The following SYDE1 variants were observed in gnomAD, a reference collection of about 807,000 sequenced individuals.
The protein encoded by SYDE1 is rho GTPase-activating protein SYDE1.
SYDE1 carries 34 observed loss-of-function variants against 63.3 expected under a neutral mutation model. The ratio of observed to expected loss-of-function variants is 0.54; its 90% CI spans 0.41 to 0.71. SYDE1 has a LOEUF of 0.71. Among genes scored for constraint, SYDE1 ranks in the 30% least tolerant of loss-of-function variants. SYDE1 has a pLI of 0.00. For missense variants in SYDE1, 925 were observed against 1,042.5 expected (o/e 0.89, Z 1.55); for synonymous variants, 467 against 473.4 (o/e 0.99, Z 0.18).
chr19:15,113,458 C>A, intron 7 of SYDE1, 102 bp from the exon 8 acceptor site: 1 of 1,388,890 alleles, frequency 7.2e-7, no homozygotes, highest in South Asian at 1.4e-5. Context: ...CTGAAAGGGT[C>A]GAAGGCCGCT....
At position 15,108,951 on chromosome 19, in the gene SYDE1, C is replaced by T; in HGVS notation, c.89-105C>T. On this transcript the variant is annotated intron_variant, in intron 1 of 7. Transcript: ENST00000342784. This position sits in a 1 kb window ranked among gnomAD's most constrained non-coding sequence, Gnocchi z 4.3. ...CCAAGGAACCATGACTTATCAGGGG[C>T]CGGCCAGGGCCGTACACAGCATCCC... 7.1e-7 allele frequency: 1 copy of T among 1,405,998 alleles called. No individual in the cohort carries two copies. Among genetic ancestry groups the T allele is most frequent in the Non-Finnish European group, 9.2e-7 (1 of 1,083,214 alleles). 87.1% of individuals were successfully genotyped at this position (1,405,998 alleles called of 1,614,324 possible).
In SYDE1 at chr19:15,111,618, C is replaced by T. The variant is rs773462650; in HGVS notation, c.1418-14C>T. ...CCAGTGGTGCCCTGACCAGAGGGGACCCTGTGTTCACAGGCATCCTCAAGG... is the reference window on the plus strand; with the variant it reads ...CCAGTGGTGCCCTGACCAGAGGGGATCCTGTGTTCACAGGCATCCTCAAGG... On this transcript the variant is annotated splice_polypyrimidine_tract_variant and intron_variant, in intron 5 of 7. Transcript: ENST00000342784. This position sits in a 1 kb window ranked among gnomAD's most constrained non-coding sequence, Gnocchi z 5.5. The T allele has an allele frequency of 3.7e-6, 6 of 1,613,478 alleles. No individual in the cohort carries two copies. The highest frequency in any genetic ancestry group is 5.1e-6 in the Non-Finnish European group (6 of 1,179,798).
Position 15,110,781 on chromosome 19 carries a change from C to T in SYDE1, c.1290+46C>T, listed in dbSNP as rs938854906. On this transcript the variant is annotated intron_variant, in intron 4 of 7. Transcript: ENST00000342784. This position sits in a 1 kb window ranked among gnomAD's most constrained non-coding sequence, Gnocchi z 6.9. The stretch of plus-strand genomic sequence containing the variant: ...AACCCTCTGGCCCCCAGACCTCAGA[C>T]CACTCTTCAGGACACCCTATGTACA... 5.5e-6 allele frequency: 8 copies of T among 1,459,662 alleles called. No homozygotes were observed. Among genetic ancestry groups the T allele is most frequent in the Admixed American group, 4.1e-5 (2 of 49,252 alleles). The allele number at this position is 1,459,662 out of a possible 1,614,324, so 90.4% of individuals were successfully genotyped here.
At position 15,111,734 on chromosome 19, in the gene SYDE1, T is replaced by C; in HGVS notation, c.1520T>C (p.Val507Ala). ...EAMARDPPNR[V>A]PPTTEGTRGL... ...ATGGCCCGGGACCCCCCAAACAGAG[T>C]TCCCCCCACCACTGAGGGCACCCGA... Residue 507 changes from valine to alanine, a missense_variant, in exon 6 of 8, where the codon GTT becomes GCT. By Grantham distance (64) the Val-to-Ala change is moderately conservative (BLOSUM62 0). Coordinates refer to ENST00000342784, the MANE Select transcript of SYDE1 (RefSeq NM_033025.6). The surrounding 1 kb of genome is among the most constrained non-coding windows in gnomAD (Gnocchi z 5.5). 3.2e-6 allele frequency: 5 copies of C among 1,551,888 alleles called. No homozygotes were observed. The highest frequency in any genetic ancestry group is 1.1e-5 in the South Asian group (1 of 89,008).
rs2046366539 is a variant in SYDE1 at position 15,114,061 on chromosome 19, G to A, written c.*98G>A. On this transcript the variant is annotated 3_prime_UTR_variant, in exon 8 of 8. Coordinates refer to ENST00000342784, the MANE Select transcript of SYDE1 (RefSeq NM_033025.6). ...AAGGAGAGCCAGACCTGTTGCTCAGGCCGAGCTCCTGGTTGCCAGCGAGTT... is the reference window on the plus strand; with the variant it reads ...AAGGAGAGCCAGACCTGTTGCTCAGACCGAGCTCCTGGTTGCCAGCGAGTT... 4.0e-5 allele frequency: 51 copies of A among 1,288,018 alleles called. No homozygotes were observed. In the South Asian group the frequency reaches 7.0e-4, roughly 18 times the overall value. The allele number at this position is 1,288,018 out of a possible 1,614,324, so 79.8% of individuals were successfully genotyped here.
In SYDE1 at chr19:15,114,611, T is replaced by A; in HGVS notation, c.*648T>A. ...GAGTCTGGCCTTTCCAATCCCCATC[T>A]CCTTGCCCCCCCCTTGCCCCCCCCC... On this transcript the variant is annotated 3_prime_UTR_variant, in exon 8 of 8. Coordinates refer to ENST00000342784, the MANE Select transcript of SYDE1 (RefSeq NM_033025.6). 8.1e-6 allele frequency: 1 copy of A among 122,914 alleles called. No individual in the cohort carries two copies. The highest frequency in any genetic ancestry group is 3.0e-5 in the African/African-American group (1 of 33,246). 7.6% of individuals were successfully genotyped at this position (122,914 alleles called of 1,614,324 possible). A position where few individuals can be genotyped will look rare whatever the true frequency, so the allele number is the denominator to read the frequency against.
Position 15,110,696 on chromosome 19 carries a change from C to A in SYDE1, c.1251C>A (p.Ile417=). The change falls in exon 4 of 8, where the codon ATC becomes ATA. Residue 417 remains isoleucine (I), a synonymous_variant. Coordinates refer to ENST00000342784, the MANE Select transcript of SYDE1 (RefSeq NM_033025.6). The surrounding 1 kb of genome is among the most constrained non-coding windows in gnomAD (Gnocchi z 6.9). ...ERPPGQVPLI[I]QKCVGQIERR... The stretch of plus-strand genomic sequence containing the variant: ...CCCCCGGCCAGGTGCCCCTCATCAT[C>A]CAGAAGTGCGTTGGGCAGATCGAGC... 6.3e-7 allele frequency: 1 copy of A among 1,581,308 alleles called. No individual in the cohort carries two copies. Among genetic ancestry groups the A allele is most frequent in the South Asian group, 1.2e-5 (1 of 86,948 alleles).
chr19:15,111,669 A>T lies in SYDE1; in HGVS notation c.1455A>T (p.Pro485=). The T allele has an allele frequency of 1.2e-6, 2 of 1,612,772 alleles. No individual in the cohort carries two copies. The highest frequency in any genetic ancestry group is 1.7e-6 in the Non-Finnish European group (2 of 1,179,596). Residue 485 remains proline, a synonymous_variant, in exon 6 of 8, where the codon CCA becomes CCT. Coordinates refer to ENST00000342784, the MANE Select transcript of SYDE1 (RefSeq NM_033025.6). The surrounding 1 kb of genome is among the most constrained non-coding windows in gnomAD (Gnocchi z 5.5). ...LKDYLRELPT[P]LITQPLYKVV... ...ATTATCTTCGAGAGTTGCCCACCCC[A>T]CTCATCACCCAGCCCCTGTATAAGG...
rs377695108 is a variant in SYDE1, at chr19:15,108,280, T to C, written c.88+759T>C. Among the ~76,000 whole-genome samples, 22 of 152,208 alleles carry C rather than the reference T, an allele frequency of 1.4e-4. No individual in the cohort carries two copies. Among genetic ancestry groups the C allele is most frequent in the African/African-American group, 5.1e-4 (21 of 41,526 alleles). The stretch of plus-strand genomic sequence containing the variant: ...GGAAGGCCAGACCATTCCATGGACG[T>C]ACCCCTTCCCCCCAGGCCTTCCCAA... On this transcript the variant is annotated intron_variant, in intron 1 of 7. Coordinates refer to ENST00000342784, the MANE Select transcript of SYDE1 (RefSeq NM_033025.6). The surrounding 1 kb of genome is among the most constrained non-coding windows in gnomAD (Gnocchi z 4.3).
chr19:15,110,667 C>T lies in SYDE1; in HGVS notation c.1222C>T (p.Arg408Trp), dbSNP rs776276724. The change falls in exon 4 of 8, where the codon CGG becomes TGG. Residue 408 changes from arginine (R) to tryptophan (W), a missense_variant. Around this residue, in one of 3 missense-constraint regions of SYDE1, gnomAD observed 599 missense variants for 653.7 expected, o/e 0.92. Transcript: ENST00000342784. This position sits in a 1 kb window ranked among gnomAD's most constrained non-coding sequence, Gnocchi z 6.9. Reference protein sequence around the residue: ...LPLPLLVERERPPGQVPLIIQ... With the variant: ...LPLPLLVEREWPPGQVPLIIQ... ...CCTGCCACTGCTGGTGGAGCGGGAG[C>T]GGCCCCCCGGCCAGGTGCCCCTCAT... The T allele has an allele frequency of 1.5e-5, 24 of 1,583,248 alleles. No individual in the cohort carries two copies. The highest frequency in any genetic ancestry group is 3.6e-5 in the Admixed American group (2 of 56,174).
Position 15,109,755 on chromosome 19 carries a change from G to T in SYDE1, c.482G>T (p.Gly161Val). The change falls in exon 3 of 8, where the codon GGC becomes GTC. Residue 161 changes from glycine to valine, a missense_variant. This residue lies in a region of SYDE1 where 599 missense variants were observed against 653.7 expected (regional missense o/e 0.92). Coordinates refer to ENST00000342784, the MANE Select transcript of SYDE1 (RefSeq NM_033025.6). This position sits in a 1 kb window ranked among gnomAD's most constrained non-coding sequence, Gnocchi z 5.0. ...AAAGCCTCCCGCACCAAGTCCCCGG[G>T]CCCCGCCAGGCGCCTCTCCATAAAG... ...PTKASRTKSP[G>V]PARRLSIKMK... 6.5e-7 allele frequency: 1 copy of T among 1,536,252 alleles called. No homozygotes were observed. The highest frequency in any genetic ancestry group is 2.0e-5 in the Admixed American group (1 of 51,138).
chr19:15,109,976 T>C lies in SYDE1; in HGVS notation c.703T>C (p.Ser235Pro). Residue 235 changes from serine to proline, a missense_variant, in exon 3 of 8, where the codon TCA (serine) becomes CCA (proline). Coordinates refer to ENST00000342784, the MANE Select transcript of SYDE1 (RefSeq NM_033025.6). This position sits in a 1 kb window ranked among gnomAD's most constrained non-coding sequence, Gnocchi z 5.0. ...PRAGYLSDGD[S>P]PERPAGPPSP... The stretch of plus-strand genomic sequence containing the variant: ...GGCCGGTTACCTCAGCGACGGGGAC[T>C]CACCGGAGCGCCCAGCTGGGCCCCC... 9 of 1,485,790 alleles carry C rather than the reference T, an allele frequency of 6.1e-6. No individual in the cohort carries two copies. The highest frequency in any genetic ancestry group is 1.3e-5 in the South Asian group (1 of 78,078). The allele number at this position is 1,485,790 out of a possible 1,614,324, so 92.0% of individuals were successfully genotyped here.
At position 15,109,509 on chromosome 19, in the gene SYDE1, A is replaced by G; in HGVS notation, c.430+112A>G. 7.9e-7 allele frequency: 1 copy of G among 1,271,666 alleles called. No homozygotes were observed. Among genetic ancestry groups the G allele is most frequent in the Non-Finnish European group, 1.1e-6 (1 of 942,040 alleles). The allele number at this position is 1,271,666 out of a possible 1,614,324, so 78.8% of individuals were successfully genotyped here. ...CTCCTCCCAGAGGAGCACCAACCTCACACTCCTTCCCTTCAGGGGAGCACC... is the reference window on the plus strand; with the variant it reads ...CTCCTCCCAGAGGAGCACCAACCTCGCACTCCTTCCCTTCAGGGGAGCACC... On this transcript the variant is annotated intron_variant, in intron 2 of 7. Coordinates refer to ENST00000342784, the MANE Select transcript of SYDE1 (RefSeq NM_033025.6). The surrounding 1 kb of genome is among the most constrained non-coding windows in gnomAD (Gnocchi z 5.0).
rs748497138 is a variant in SYDE1 at position 15,113,636 on chromosome 19, G to T, written c.1881G>T (p.Pro627=). The T allele has an allele frequency of 1.9e-6, 3 of 1,611,588 alleles. No homozygotes were observed. Among genetic ancestry groups the T allele is most frequent in the Non-Finnish European group, 2.5e-6 (3 of 1,178,904 alleles). Residue 627 remains proline (P), a synonymous_variant, in exon 8 of 8, where the codon CCG becomes CCT. Transcript: ENST00000342784. ...RPKRQPPLHL[P]LADPEVVTRP... is the part of the protein sequence containing the mutation. ...AACGACAGCCACCTCTGCACCTGCC[G>T]CTGGCAGACCCCGAAGTGGTGACTC...
rs142935290 is a variant in SYDE1 at position 15,108,954 on chromosome 19, G to C, written c.89-102G>C. 2.8e-4 allele frequency: 390 copies of C among 1,416,728 alleles called. 2 individuals carry two copies. The African/African-American group carries it at 4.8e-3, about 17-fold the overall frequency. 87.8% of individuals were successfully genotyped at this position (1,416,728 alleles called of 1,614,324 possible). ...AGGAACCATGACTTATCAGGGGCCG[G>C]CCAGGGCCGTACACAGCATCCCACC... On this transcript the variant is annotated intron_variant, in intron 1 of 7. Coordinates refer to ENST00000342784, the MANE Select transcript of SYDE1 (RefSeq NM_033025.6). The surrounding 1 kb of genome is among the most constrained non-coding windows in gnomAD (Gnocchi z 4.3).
At position 15,111,878 on chromosome 19, in the gene SYDE1, G is replaced by T; in HGVS notation, c.1578+86G>T. 7.7e-7 allele frequency: 1 copy of T among 1,291,806 alleles called. No homozygotes were observed. Among genetic ancestry groups the T allele is most frequent in the East Asian group, 2.4e-5 (1 of 40,950 alleles). 80.0% of individuals were successfully genotyped at this position (1,291,806 alleles called of 1,614,324 possible). The stretch of plus-strand genomic sequence containing the variant: ...TCACCCATGCCTGGGCCTGAGATGG[G>T]CATGAGCTGGCAGCATCATCATATC... On this transcript the variant is annotated intron_variant, in intron 6 of 7. Coordinates refer to ENST00000342784, the MANE Select transcript of SYDE1 (RefSeq NM_033025.6). The surrounding 1 kb of genome is among the most constrained non-coding windows in gnomAD (Gnocchi z 5.5).
Position 15,110,403 on chromosome 19 carries a change from AC to A in SYDE1, c.1075+61del, listed in dbSNP as rs1056090611. The A allele has an allele frequency of 1.4e-6, 2 of 1,443,492 alleles. No individual in the cohort carries two copies. Among genetic ancestry groups the A allele is most frequent in the African/African-American group, 1.4e-5 (1 of 70,212 alleles). The allele number at this position is 1,443,492 out of a possible 1,614,324, so 89.4% of individuals were successfully genotyped here. A position where few individuals can be genotyped will look rare whatever the true frequency, so the allele number is the denominator to read the frequency against. Reference sequence around the variant, plus strand: ...GCAGGGACCCCCAAACCCCACCGCCACCCCCCGCAGAGTGCCTAGGGGGCTG... The same window carrying A: ...GCAGGGACCCCCAAACCCCACCGCCACCCCCGCAGAGTGCCTAGGGGGCTG... On this transcript the variant is annotated intron_variant, in intron 3 of 7. Coordinates refer to ENST00000342784, the MANE Select transcript of SYDE1 (RefSeq NM_033025.6). The surrounding 1 kb of genome is among the most constrained non-coding windows in gnomAD (Gnocchi z 6.9).
At position 15,111,620 on chromosome 19, in the gene SYDE1, C is replaced by G; in HGVS notation, c.1418-12C>G. ...AGTGGTGCCCTGACCAGAGGGGACC[C>G]TGTGTTCACAGGCATCCTCAAGGAT... On this transcript the variant is annotated splice_polypyrimidine_tract_variant and intron_variant, in intron 5 of 7. Coordinates refer to ENST00000342784, the MANE Select transcript of SYDE1 (RefSeq NM_033025.6). This position sits in a 1 kb window ranked among gnomAD's most constrained non-coding sequence, Gnocchi z 5.5. The G allele has an allele frequency of 1.9e-6, 3 of 1,613,640 alleles. No individual in the cohort carries two copies. Among genetic ancestry groups the G allele is most frequent in the Non-Finnish European group, 2.5e-6 (3 of 1,179,894 alleles).
rs1362176078 is a variant in SYDE1 at position 15,114,623 on chromosome 19, C to CT, written c.*660_*661insT. 29 of 84,490 alleles carry CT rather than the reference C, an allele frequency of 3.4e-4. No homozygotes were observed. Among genetic ancestry groups the CT allele is most frequent in the African/African-American group, 1.0e-3 (29 of 29,084 alleles). The allele number at this position is 84,490 out of a possible 1,614,324, so 5.2% of individuals were successfully genotyped here. On this transcript the variant is annotated 3_prime_UTR_variant, in exon 8 of 8. Transcript: ENST00000342784. ...TCCAATCCCCATCTCCTTGCCCCCC[C>CT]CTTGCCCCCCCCCCCGAAAAAAATT...
Sources: gnomAD v4.1 joint callset for allele counts (sites outside exome capture counted in the v4.1 genomes callset) on GRCh38, gnomAD v4.1.1 for gene constraint, gnomAD v4.1.1 regional missense constraint, Gnocchi (gnomAD v3.1) non-coding constraint, MANE v1.5 for transcripts, NCBI Gene and HGNC (gene_info 2026-07-23, HGNC 2026-07-21) for gene names.